Variants in TAB3 observed in about 807,000 individuals in gnomAD.
TAB3 encodes the protein TGF-beta activated kinase 1 (MAP3K7) binding protein 3.
TAB3 carries 18 observed loss-of-function variants against 48.1 expected under a neutral mutation model. That is an observed-to-expected ratio of 0.37 (90% CI 0.26 to 0.55). TAB3 has a LOEUF of 0.55. Ranked by LOEUF, TAB3 falls within the 20% of genes least tolerant of loss-of-function variation. TAB3 has a pLI of 0.78. For synonymous variants in TAB3, 185 were observed against 190.2 expected (o/e 0.97, Z 0.22); for missense variants, 414 against 549.8 (o/e 0.75, Z 2.47).
chrX:30,851,971 C>T lies in TAB3; in HGVS notation c.1710+807G>A, dbSNP rs943397361. ...CCGTGAACATATACAGCACTTACCA[C>T]ACTGTATTATAATTATCTGTTGATG... is the stretch of plus-strand genomic sequence containing the variant. On this transcript the variant is annotated intron_variant, in intron 7 of 10. Coordinates refer to ENST00000288422, the MANE Select transcript of TAB3 (RefSeq NM_152787.5). Among the ~76,000 whole-genome samples the T allele has an allele frequency of 8.0e-5, 9 of 112,216 alleles. No homozygotes were observed. The Admixed American group carries it at 8.5e-4, about 11-fold the overall frequency.
intron 6 of TAB3, 26 bp downstream of exon 6, chrX:30,854,090 A>C (rs1938965965): frequency 8.6e-7 from 1 of 1,157,136 alleles, no homozygotes; most frequent in East Asian, 3.0e-5. Flanking sequence ...ACAGAAATTA[A>C]ATTTCATAAA....
Position 30,854,305 on chromosome X carries a change from C to A in TAB3, c.1360G>T (p.Val454Phe), listed in dbSNP as rs755675535. 8.3e-6 allele frequency: 10 copies of A among 1,211,392 alleles called. No individual in the cohort carries two copies. The highest frequency in any genetic ancestry group is 1.1e-5 in the Non-Finnish European group (10 of 895,447). ...SPRVIPNPTT[V>F]FKITVGRATT... ...GCTCGGCCTACGGTAATTTTAAAAA[C>A]TGTAGTTGGGTTTGGTATCACTCGA... The change falls in exon 6 of 11, where the codon GTT becomes TTT. Residue 454 changes from valine (V) to phenylalanine (F), a missense_variant. Coordinates refer to ENST00000288422, the MANE Select transcript of TAB3 (RefSeq NM_152787.5).
At chrX:30,845,772 T>G (rs1301418730) in intron 8 of TAB3, 1 of 173,643 alleles carries the variant, frequency 5.8e-6, no homozygotes, top group Admixed American at 8.0e-5. Context: ...TTTGAGTGAT[T>G]TGCCTTTGGC....
chrX:30,851,997 T>A (rs1218020655), intron 7 of TAB3, among the ~76,000 whole-genome samples: 2 of 112,372 alleles, frequency 1.8e-5, no homozygotes, highest in African/African-American at 6.5e-5. Flanking sequence ...TCTGTTGATG[T>A]ATCTATTTTT....
At chrX:30,861,274 C>G (rs1601825083) in intron 4 of TAB3, among the ~76,000 whole-genome samples, 1 of 111,260 alleles carries the variant, frequency 9.0e-6, no homozygotes, top group Non-Finnish European at 1.9e-5. Flanking sequence ...ACCAGTCTAC[C>G]TAATAAGATA....
At chrX:30,873,991 T>G (rs1434741477) in intron 1 of TAB3, among the ~76,000 whole-genome samples, 8 of 110,501 alleles carry the variant, frequency 7.2e-5, no homozygotes. Flanking sequence ...CTGGGCAACA[T>G]GAGGAGACCC....
At chrX:30,874,923 G>C (rs1028498444) in intron 1 of TAB3, among the ~76,000 whole-genome samples, 6 of 112,208 alleles carry the variant, frequency 5.3e-5, no homozygotes, top group African/African-American at 1.6e-4. Context: ...TCTAAAAAGA[G>C]AGAAAGGGAC....
At chrX:30,854,078 C>G (rs1254713965) in intron 6 of TAB3, 38 bp downstream of exon 6, 6 of 1,145,839 alleles carry the variant, frequency 5.2e-6, no homozygotes, top group Non-Finnish European at 6.9e-6. Flanking sequence ...TGCTGCCTCA[C>G]CACAGAAATT....
chrX:30,834,259 A>T (rs1938119220), intron 9 of TAB3, 107 bp from the exon 10 acceptor site: 1 of 639,913 alleles, frequency 1.6e-6, no homozygotes, highest in Admixed American at 3.0e-5. Context: ...GAGTGCATTT[A>T]CCCTACCTAT....
chrX:30,880,388 A>G (rs1939965275), intron 1 of TAB3, among the ~76,000 whole-genome samples: 1 of 112,014 alleles, frequency 8.9e-6, no homozygotes, highest in South Asian at 3.7e-4. Context: ...ATATATGGAC[A>G]CTTGATTCCT....
At chrX:30,864,876 C>T (rs1222377258) in intron 4 of TAB3, among the ~76,000 whole-genome samples, 4 of 110,880 alleles carry the variant, frequency 3.6e-5, no homozygotes, top group African/African-American at 9.9e-5. Context: ...TAGCTTTTCT[C>T]TGAAAAATCA....
At chrX:30,882,595 T>C (rs1940026669) in intron 1 of TAB3, among the ~76,000 whole-genome samples, 1 of 112,115 alleles carries the variant, frequency 8.9e-6, no homozygotes, top group Non-Finnish European at 1.9e-5. Context: ...AGGAAACACC[T>C]AGCCTTCGAG....
At chrX:30,845,594 CAG>C (rs1405405078) in intron 8 of TAB3, 1 of 113,762 alleles carries the variant, frequency 8.8e-6, no homozygotes, top group Non-Finnish European at 1.8e-5. Flanking sequence ...CTTTTATTCA[CAG>C]AAACAGGCAA....
chrX:30,868,065 T>G (rs908537752), intron 2 of TAB3, among the ~76,000 whole-genome samples: 10 of 104,376 alleles, frequency 9.6e-5, no homozygotes, highest in Non-Finnish European at 2.0e-4. Flanking sequence ...CCTGGCTAAT[T>G]TTTTTATTTT....
intron 5 of TAB3, among the ~76,000 whole-genome samples, chrX:30,858,204 G>A (rs887439041): frequency 4.5e-5 from 5 of 112,042 alleles, no homozygotes; most frequent in African/African-American, 1.6e-4. Context: ...GAAAAATGCA[G>A]GTAATAAAGG....
rs1416617602 is a variant in TAB3 at position 30,830,908 on chromosome X, A to G, written c.*519T>C. 1.0e-4 allele frequency: 5 copies of G among 48,799 alleles called. 1 individual carries two copies. Among genetic ancestry groups the G allele is most frequent in the African/African-American group, 3.5e-4 (5 of 14,395 alleles). The allele number at this position is 48,799 out of a possible 1,213,427, so 4.0% of individuals were successfully genotyped here. A position where few individuals can be genotyped will look rare whatever the true frequency, so the allele number is the denominator to read the frequency against. On this transcript the variant is annotated 3_prime_UTR_variant, in exon 11 of 11. Coordinates refer to ENST00000288422, the MANE Select transcript of TAB3 (RefSeq NM_152787.5). ...CAGCAATTACAAATACCCTTAATTA[A>G]TTTGCCCCCCCCCCCCAAATATTCT...
chrX:30,850,357 T>A (rs1196960701), intron 7 of TAB3, among the ~76,000 whole-genome samples: 2 of 111,967 alleles, frequency 1.8e-5, no homozygotes, highest in African/African-American at 3.3e-5. Flanking sequence ...ATAATAAAAG[T>A]TAAAACTAAA....
At chrX:30,868,528 T>G (rs1448120403) in intron 2 of TAB3, among the ~76,000 whole-genome samples, 2 of 3,676 alleles carry the variant, frequency 5.4e-4, no homozygotes, top group African/African-American at 2.7e-3. Context: ...TATATATATA[T>G]ATATATAGCT....
chrX:30,842,042 C>G (rs901115009), intron 9 of TAB3, among the ~76,000 whole-genome samples: 2 of 112,480 alleles, frequency 1.8e-5, no homozygotes, highest in African/African-American at 6.5e-5. Context: ...CTCCTGGCCT[C>G]ATGTGATCCA....
Sources: gnomAD v4.1 joint callset for allele counts (sites outside exome capture counted in the v4.1 genomes callset) on GRCh38, gnomAD v4.1.1 for gene constraint, MANE v1.5 for transcripts, NCBI Gene and HGNC (gene_info 2026-07-23, HGNC 2026-07-21) for gene names.